Variants in VAT1L observed in about 807,000 individuals in gnomAD.
The protein encoded by VAT1L is putative NADPH-dependent quinone oxidoreductase VAT1L.
VAT1L carries 34 observed loss-of-function variants against 44.1 expected under a neutral mutation model. That is an observed-to-expected ratio of 0.77 (90% CI 0.59 to 1.03). VAT1L has a LOEUF of 1.03. Ranked by LOEUF, VAT1L falls within the 50% of genes least tolerant of loss-of-function variation. VAT1L has a pLI of 0.00. For synonymous variants in VAT1L, 253 were observed against 202.2 expected (o/e 1.25, Z -2.13); for missense variants, 615 against 538.8 (o/e 1.14, Z -1.40).
chr16:77,969,094 C>G (rs1227937865), intron 7 of VAT1L, among the ~76,000 whole-genome samples: 1 of 152,180 alleles, frequency 6.6e-6, no homozygotes, highest in Non-Finnish European at 1.5e-5. Flanking sequence ...GCTGGGATTA[C>G]AAGCGTGAGC....
intron 7 of VAT1L, among the ~76,000 whole-genome samples, chr16:77,886,668 A>T (rs2017212730): frequency 6.6e-6 from 1 of 152,228 alleles, no homozygotes; most frequent in Admixed American, 6.5e-5. Flanking sequence ...GTTTTCATTC[A>T]GAGGAGTAGG....
chr16:77,822,444 C>G (rs923121478), intron 2 of VAT1L, among the ~76,000 whole-genome samples: 3 of 152,120 alleles, frequency 2.0e-5, no homozygotes, highest in African/African-American at 7.2e-5. Flanking sequence ...CTTAATTGTA[C>G]CCTCTCTGGA....
chr16:77,837,320 T>C (rs1582976), intron 3 of VAT1L, among the ~76,000 whole-genome samples: 39,524 of 152,142 alleles, frequency 0.26, 5,240 homozygotes, highest in African/African-American at 0.28. Flanking sequence ...TGATGTTAAC[T>C]ATCTGGCTGA....
intron 2 of VAT1L, among the ~76,000 whole-genome samples, chr16:77,817,280 T>C (rs1285063487): frequency 6.6e-6 from 1 of 152,150 alleles, no homozygotes. Flanking sequence ...ACAAATCTTG[T>C]CTCCCCCTTC....
chr16:77,858,008 A>G (rs1022271685), intron 3 of VAT1L, among the ~76,000 whole-genome samples: 4 of 151,772 alleles, frequency 2.6e-5, no homozygotes, highest in South Asian at 2.1e-4. Context: ...CATACACTCA[A>G]CTCCTCCAGT....
At chr16:77,887,283 C>A (rs1194326189) in intron 7 of VAT1L, among the ~76,000 whole-genome samples, 1 of 152,198 alleles carries the variant, frequency 6.6e-6, no homozygotes, top group African/African-American at 2.4e-5. Flanking sequence ...TTGGGTTTTA[C>A]TCTAAGCAGC....
intron 7 of VAT1L, among the ~76,000 whole-genome samples, chr16:77,894,960 A>G (rs1437311809): frequency 6.6e-6 from 1 of 151,660 alleles, no homozygotes. Flanking sequence ...CAGTTTTCAG[A>G]TGAGCAAAAT....
intron 7 of VAT1L, among the ~76,000 whole-genome samples, chr16:77,940,987 C>T (rs775320469): frequency 2.0e-5 from 3 of 152,158 alleles, no homozygotes; most frequent in Non-Finnish European, 2.9e-5. Flanking sequence ...AGTTCAGAGT[C>T]TTCAGGCTGG....
intron 1 of VAT1L, 99 bp downstream of exon 1, chr16:77,789,014 C>A (rs967434679): frequency 1.5e-6 from 2 of 1,343,878 alleles, no homozygotes; most frequent in Admixed American, 6.2e-5. Context: ...CGGGTAGAAC[C>A]GCCGCGCGCA....
chr16:77,865,936 T>A (rs1406407076), intron 4 of VAT1L, among the ~76,000 whole-genome samples: 1 of 152,122 alleles, frequency 6.6e-6, no homozygotes, highest in East Asian at 1.9e-4. Context: ...CTAGATCTAC[T>A]CTCTTAGCCC....
At chr16:77,809,345 CCAT>C (rs1228425829) in intron 1 of VAT1L, among the ~76,000 whole-genome samples, 1 of 152,212 alleles carries the variant, frequency 6.6e-6, no homozygotes, top group Non-Finnish European at 1.5e-5. Flanking sequence ...TTCCCATCCT[CCAT>C]CATCAGAGAA....
chr16:77,975,807 T>C (rs1239140965), intron 8 of VAT1L, among the ~76,000 whole-genome samples: 7 of 152,158 alleles, frequency 4.6e-5, no homozygotes, highest in African/African-American at 1.7e-4. Context: ...GACCCCACAG[T>C]ACCAGCGGGC....
chr16:77,957,860 G>T (rs1048379416), intron 7 of VAT1L, among the ~76,000 whole-genome samples: 3 of 151,624 alleles, frequency 2.0e-5, no homozygotes, highest in African/African-American at 7.3e-5. Flanking sequence ...AGCTCAGGTT[G>T]TTACTTTAAC....
At chr16:77,801,297 G>C (rs564346551) in intron 1 of VAT1L, 1 of 152,184 alleles carries the variant, frequency 6.6e-6, no homozygotes, top group Non-Finnish European at 1.5e-5. Context: ...TTCAAAACAG[G>C]ATTACGTTTC....
chr16:77,971,420 G>C (rs1014011583), intron 7 of VAT1L, among the ~76,000 whole-genome samples: 5 of 152,104 alleles, frequency 3.3e-5, no homozygotes, highest in African/African-American at 1.2e-4. Context: ...CTTGAGTAAT[G>C]GGTCAATTTA....
intron 1 of VAT1L, among the ~76,000 whole-genome samples, chr16:77,789,475 A>G (rs1029943824): frequency 6.6e-6 from 1 of 152,152 alleles, no homozygotes; most frequent in African/African-American, 2.4e-5. Context: ...AATTTGATAC[A>G]TGATCTTTTT....
At chr16:77,950,041 G>A (rs536859872) in intron 7 of VAT1L, among the ~76,000 whole-genome samples, 1 of 152,186 alleles carries the variant, frequency 6.6e-6, no homozygotes. Flanking sequence ...AAAGTGAGCT[G>A]GTGGTTGCCT....
intron 7 of VAT1L, among the ~76,000 whole-genome samples, chr16:77,962,720 A>AAAAGAAGG (rs1288411290): frequency 2.1e-4 from 23 of 108,764 alleles, no homozygotes; most frequent in African/African-American, 7.3e-4. Flanking sequence ...TTTTCTCTAC[A>AAAAGAAGG]AAAGAAGGAA....
intron 5 of VAT1L, 114 bp downstream of exon 5, chr16:77,876,587 T>C: frequency 1.2e-6 from 1 of 859,776 alleles, no homozygotes; most frequent in Non-Finnish European, 1.9e-6. Flanking sequence ...GGGATGGGGG[T>C]GTTTCATTTT....
Sources: allele counts gnomAD v4.1 joint callset (sites outside exome capture counted in the v4.1 genomes callset), GRCh38; gene constraint gnomAD v4.1.1; transcripts MANE v1.5; gene names NCBI Gene and HGNC (gene_info 2026-07-23, HGNC 2026-07-21).